Variants in SEMA6D observed in about 807,000 individuals in gnomAD.
SEMA6D encodes semaphorin 6D.
In SEMA6D, 35 loss-of-function variants were observed where a neutral mutation model predicts 106.6. The ratio of observed to expected loss-of-function variants is 0.33; its 90% CI spans 0.25 to 0.44. The LOEUF (loss-of-function observed/expected upper bound fraction) is 0.44, where lower values mean the gene tolerates loss of function less well. SEMA6D is among the 20% of genes least tolerant of loss of function. The pLI is 1.00. For missense variants in SEMA6D, 1,185 were observed against 1,345.9 expected, an observed-to-expected ratio of 0.88 and a Z score of 1.87; for synonymous variants, 499 against 487.7, an observed-to-expected ratio of 1.02 and a Z score of -0.31.
intron 4 of SEMA6D, among the ~76,000 whole-genome samples, chr15:47,709,198 C>T (rs2078970063): frequency 6.6e-6 from 1 of 152,096 alleles, no homozygotes. Context: ...GACTGAAGGA[C>T]ACAGCTGCTG....
intron 3 of SEMA6D, among the ~76,000 whole-genome samples, chr15:47,505,604 G>A (rs778258314): frequency 9.9e-5 from 15 of 152,134 alleles, no homozygotes; most frequent in Non-Finnish European, 1.8e-4. Context: ...GGACATGCAT[G>A]CAAAGATACT....
At chr15:47,309,727 C>T (rs531792162) in intron 1 of SEMA6D, among the ~76,000 whole-genome samples, 1 of 152,228 alleles carries the variant, frequency 6.6e-6, no homozygotes, top group Admixed American at 6.5e-5. Flanking sequence ...TAAGCATGCT[C>T]AGAACACTTA....
intron 3 of SEMA6D, among the ~76,000 whole-genome samples, chr15:47,527,268 TAAG>T (rs1285886962): frequency 2.0e-5 from 3 of 152,208 alleles, no homozygotes; most frequent in Non-Finnish European, 2.9e-5. Context: ...ATACATTTAT[TAAG>T]AAGAAATTTT....
At chr15:47,735,622 C>T (rs1050498165) in intron 1 of SEMA6D, among the ~76,000 whole-genome samples, 1 of 152,176 alleles carries the variant, frequency 6.6e-6, no homozygotes, top group African/African-American at 2.4e-5. Flanking sequence ...GATACATCTT[C>T]AGTTCTGCTT....
At chr15:47,257,009 CT>C (rs2033837079) in intron 1 of SEMA6D, among the ~76,000 whole-genome samples, 1 of 151,642 alleles carries the variant, frequency 6.6e-6, no homozygotes, top group African/African-American at 2.4e-5. Context: ...CGTTGTTATA[CT>C]GTCTTGACCT....
chr15:47,669,270 G>A (rs1329718492), intron 4 of SEMA6D, among the ~76,000 whole-genome samples: 6 of 152,092 alleles, frequency 3.9e-5, no homozygotes, highest in African/African-American at 9.6e-5. Context: ...CACATTTTTC[G>A]CATATACATC....
intron 1 of SEMA6D, among the ~76,000 whole-genome samples, chr15:47,283,049 A>G (rs907515280): frequency 6.6e-6 from 1 of 152,106 alleles, no homozygotes; most frequent in African/African-American, 2.4e-5. Flanking sequence ...TCTAGAGTCC[A>G]GAGAAACTTT....
intron 1 of SEMA6D, among the ~76,000 whole-genome samples, chr15:47,242,786 A>G (rs904520850): frequency 6.6e-6 from 1 of 152,174 alleles, no homozygotes; most frequent in Non-Finnish European, 1.5e-5. Flanking sequence ...TGGAAATTTT[A>G]AACAAGTAGA....
At chr15:47,680,612 T>C (rs1428778589) in intron 4 of SEMA6D, among the ~76,000 whole-genome samples, 1 of 152,204 alleles carries the variant, frequency 6.6e-6, no homozygotes, top group Non-Finnish European at 1.5e-5. Flanking sequence ...AACATAGAGC[T>C]TTGCCTATTG....
At chr15:47,207,993 G>A (rs11635409) in intron 1 of SEMA6D, among the ~76,000 whole-genome samples, 4,146 of 89,362 alleles carry the variant, frequency 0.046, 403 homozygotes, top group East Asian at 0.21. Flanking sequence ...TGGCGCGCGC[G>A]CACACACACA....
intron 2 of SEMA6D, among the ~76,000 whole-genome samples, chr15:47,448,996 A>C (rs1379198227): frequency 6.6e-6 from 1 of 152,070 alleles, no homozygotes; most frequent in African/African-American, 2.4e-5. Flanking sequence ...GTGATCATCA[A>C]TGAGAATTGC....
intron 1 of SEMA6D, among the ~76,000 whole-genome samples, chr15:47,204,169 A>G (rs1286294958): frequency 6.6e-6 from 1 of 152,184 alleles, no homozygotes; most frequent in Admixed American, 6.6e-5. Flanking sequence ...GCTACAGTTC[A>G]ATGACCATCC....
intron 1 of SEMA6D, among the ~76,000 whole-genome samples, chr15:47,391,476 A>G (rs894274662): frequency 3.3e-5 from 5 of 152,086 alleles, no homozygotes; most frequent in Non-Finnish European, 7.4e-5. Context: ...TTAAAAGACA[A>G]TGTCAAGCAG....
At chr15:47,490,324 A>G (rs1221791553) in intron 3 of SEMA6D, among the ~76,000 whole-genome samples, 2 of 152,204 alleles carry the variant, frequency 1.3e-5, no homozygotes, top group Non-Finnish European at 2.9e-5. Context: ...TTATTAAGTT[A>G]AAAACTTTTA....
intron 1 of SEMA6D, among the ~76,000 whole-genome samples, chr15:47,266,896 TGTTTTCTC>T (rs1208164117): frequency 6.6e-6 from 1 of 152,144 alleles, no homozygotes; most frequent in Non-Finnish European, 1.5e-5. Context: ...TTTGAATAAA[TGTTTTCTC>T]ATTTTCTCTA....
chr15:47,623,488 A>T lies in SEMA6D; in HGVS notation c.-55+22592A>T, dbSNP rs185713327. ...GTAGTAAAATTTATCTTGATTTGTA[A>T]GCCAATGGAATAATTAGTTTTAGAA... On this transcript the variant is annotated intron_variant, in intron 4 of 19. Coordinates refer to the SEMA6D transcript ENST00000558014. Among the ~76,000 whole-genome samples, 228 of 152,340 alleles carry T rather than the reference A, an allele frequency of 1.5e-3. 1 individual carries two copies. The highest frequency in any genetic ancestry group is 2.7e-3 in the Non-Finnish European group (186 of 68,032).
At chr15:47,560,341 C>G (rs181965388) in intron 3 of SEMA6D, among the ~76,000 whole-genome samples, 1 of 151,626 alleles carries the variant, frequency 6.6e-6, no homozygotes, top group Admixed American at 6.6e-5. Flanking sequence ...AATGACTCAA[C>G]AAATAGAGAA....
At chr15:47,720,824 T>C (rs1366231644) in intron 1 of SEMA6D, among the ~76,000 whole-genome samples, 1 of 152,218 alleles carries the variant, frequency 6.6e-6, no homozygotes, top group Non-Finnish European at 1.5e-5. Flanking sequence ...GAGTGAAAAA[T>C]GCATCTGAAA....
intron 1 of SEMA6D, among the ~76,000 whole-genome samples, chr15:47,741,345 G>GAAA (rs1449579990): frequency 2.6e-5 from 4 of 152,188 alleles, no homozygotes; most frequent in Admixed American, 2.0e-4. Context: ...ATGCAACCCT[G>GAAA]GCTTGTTATA....
Sources: gnomAD v4.1 joint callset for allele counts (sites outside exome capture counted in the v4.1 genomes callset) on GRCh38, gnomAD v4.1.1 for gene constraint, MANE v1.5 for transcripts, NCBI Gene and HGNC (gene_info 2026-07-23, HGNC 2026-07-21) for gene names.